KIAA2012: variants seen among roughly 807,000 people sequenced by gnomAD.
KIAA2012 encodes the protein KIAA2012, also known as uncharacterized protein KIAA2012.
Under a neutral mutation model 150.6 loss-of-function variants are expected in KIAA2012, and 125 were observed. The observed-to-expected ratio is 0.83, with a 90% CI of 0.72 to 0.96. The LOEUF (loss-of-function observed/expected upper bound fraction) is 0.96, where lower values mean the gene tolerates loss of function less well. Among genes scored for constraint, KIAA2012 ranks in the 40% least tolerant of loss-of-function variants. The pLI is 0.00. For synonymous variants in KIAA2012, 462 were observed against 504.7 expected (o/e 0.92, Z 1.13); for missense variants, 1,219 against 1,354.9 (o/e 0.90, Z 1.57).
Position 202,154,682 on chromosome 2 carries a change from C to T in KIAA2012, c.1918C>T (p.Gln640Ter). The T allele has an allele frequency of 6.5e-7, 1 of 1,544,380 alleles. No individual in the cohort carries two copies. ...CTGCTTCTCTTCACAGGGAGCCCAG[C>T]AGTCCTTGGAGGCAGCAGCTCAGAA... ...TQTTEKQGAQQSLEAAAQKTG... is the reference protein window; with the variant it reads ...TQTTEKQGAQ Residue 640 changes from glutamine (Q) to a stop codon, truncating the protein, a stop_gained, in exon 14 of 24, where the codon CAG becomes TAG. Coordinates refer to ENST00000498697, the MANE Select transcript of KIAA2012 (RefSeq NM_001277372.4). LOFTEE classifies it high-confidence loss of function.
chr2:202,134,641 G>A (rs144008520), intron 12 of KIAA2012, among the ~76,000 whole-genome samples: 377 of 152,262 alleles, frequency 2.5e-3, no homozygotes, highest in African/African-American at 8.5e-3. Flanking sequence ...TGCAACCTCC[G>A]CCTCCTGGGT....
intron 19 of KIAA2012, among the ~76,000 whole-genome samples, chr2:202,190,798 G>T (rs1692315631): frequency 6.6e-6 from 1 of 152,126 alleles, no homozygotes; most frequent in Admixed American, 6.5e-5. Context: ...AGAGGTGCAG[G>T]ACTCATGGTT....
At chr2:202,162,360 C>T (rs553181849) in intron 14 of KIAA2012, among the ~76,000 whole-genome samples, 22 of 151,926 alleles carry the variant, frequency 1.4e-4, no homozygotes, top group African/African-American at 4.1e-4. Flanking sequence ...CTGCAACCTC[C>T]GCCTGCTGGG....
intron 9 of KIAA2012, 85 bp from the exon 10 acceptor site, chr2:202,109,528 T>C: frequency 7.8e-7 from 1 of 1,279,454 alleles, no homozygotes; most frequent in Non-Finnish European, 1.1e-6. Context: ...ACAGAGGTCC[T>C]TCAACCAAGT....
At chr2:202,179,771 C>A (rs1417743860) in intron 15 of KIAA2012, 2 of 632,486 alleles carry the variant, frequency 3.2e-6, no homozygotes, top group Non-Finnish European at 6.1e-6. Context: ...GCCTGGAAAG[C>A]CACAGCAGTG....
intron 11 of KIAA2012, among the ~76,000 whole-genome samples, chr2:202,123,207 G>A (rs541027951): frequency 3.9e-5 from 6 of 152,288 alleles, no homozygotes; most frequent in Middle Eastern, 3.4e-3. Flanking sequence ...GACGGTGTTC[G>A]TGTAGCCCTC....
chr2:202,201,826 G>A (rs974864673), intron 22 of KIAA2012: 31 of 1,292,034 alleles, frequency 2.4e-5, no homozygotes, highest in Non-Finnish European at 3.2e-5. Flanking sequence ...GGGTAGACTG[G>A]ATTCCCAGGA....
At chr2:202,117,477 T>C (rs116437912) in intron 11 of KIAA2012, among the ~76,000 whole-genome samples, 50 of 152,354 alleles carry the variant, frequency 3.3e-4, no homozygotes, top group African/African-American at 1.2e-3. Flanking sequence ...TAGTAGCTGT[T>C]ACCTTACTGA....
chr2:202,140,179 G>A (rs1691170007), intron 13 of KIAA2012, among the ~76,000 whole-genome samples: 1 of 152,130 alleles, frequency 6.6e-6, no homozygotes, highest in African/African-American at 2.4e-5. Flanking sequence ...AATGAGCCAA[G>A]ATCACTCCAT....
At chr2:202,115,905 C>A (rs1690508665) in intron 11 of KIAA2012, 1 of 92,222 alleles carries the variant, frequency 1.1e-5, no homozygotes, top group Non-Finnish European at 2.3e-5. Flanking sequence ...GAATATAAAC[C>A]TTCAGAAGGA....
At chr2:202,182,269 G>A (rs1275424719) in intron 15 of KIAA2012, among the ~76,000 whole-genome samples, 2 of 151,550 alleles carry the variant, frequency 1.3e-5, no homozygotes, top group East Asian at 1.9e-4. Context: ...GCACCACCAC[G>A]CCCAGCTAAT....
chr2:202,099,777 T>A lies in KIAA2012; in HGVS notation c.993T>A (p.Asn331Lys), dbSNP rs766373042. 6.5e-6 allele frequency: 10 copies of A among 1,549,660 alleles called. No homozygotes were observed. In the East Asian group the frequency reaches 9.8e-5, roughly 15 times the overall value. The change falls in exon 6 of 24, where the codon AAT (asparagine) becomes AAA (lysine). Residue 331 changes from asparagine (N) to lysine (K), a missense_variant. Transcript: ENST00000498697. ...HITFCGGAFP[N>K]RKADLSDKQR... is the part of the protein sequence containing the mutation. ...CATTCTGTGGAGGCGCCTTCCCTAA[T>A]AGGAAGGCAGATCTCAGCGGTAAGA...
chr2:202,148,208 A>G (rs574563382), intron 13 of KIAA2012, among the ~76,000 whole-genome samples: 40 of 152,290 alleles, frequency 2.6e-4, no homozygotes, highest in African/African-American at 9.4e-4. Flanking sequence ...TAGGTAGGGA[A>G]GCTGAGGCAC....
chr2:202,197,406 T>C (rs1692434453), intron 22 of KIAA2012: 3 of 251,642 alleles, frequency 1.2e-5, no homozygotes, highest in East Asian at 1.7e-4. Flanking sequence ...GTGCCTGTTA[T>C]GTGCCAAACA....
At chr2:202,148,821 C>T (rs955252607) in intron 13 of KIAA2012, among the ~76,000 whole-genome samples, 4 of 152,102 alleles carry the variant, frequency 2.6e-5, no homozygotes. Context: ...TCGGCCTTGC[C>T]ACAGACAGAG....
chr2:202,091,633 A>G (rs13035978), intron 3 of KIAA2012, among the ~76,000 whole-genome samples: 30,033 of 152,184 alleles, frequency 0.2, 3,979 homozygotes, highest in Non-Finnish European at 0.29. Flanking sequence ...TACGCTTGCA[A>G]TCTTCAATCT....
At chr2:202,095,834 A>C (rs1689856592) in intron 4 of KIAA2012, among the ~76,000 whole-genome samples, 2 of 152,170 alleles carry the variant, frequency 1.3e-5, no homozygotes, top group South Asian at 4.1e-4. Context: ...CTGTAATCCC[A>C]ACACTTTGGT....
At chr2:202,101,181 G>T (rs1256784297) in intron 7 of KIAA2012, among the ~76,000 whole-genome samples, 3 of 152,244 alleles carry the variant, frequency 2.0e-5, no homozygotes, top group African/African-American at 4.8e-5. Context: ...AAAGTATGTT[G>T]TATCTGACTG....
In KIAA2012 at chr2:202,113,495, G is replaced by C. The variant is rs1409331552; in HGVS notation, c.1762+49G>C. On this transcript the variant is annotated intron_variant, in intron 11 of 23. Transcript: ENST00000498697. ...GCCTTGTTTTTTTTTTTTCAAAGGG[G>C]AAGATGTTACCTGCAGCTTCCAAAT... The C allele has an allele frequency of 3.0e-6, 4 of 1,355,434 alleles. No individual in the cohort carries two copies. The Admixed American group carries it at 9.8e-5, about 33-fold the overall frequency. The allele number at this position is 1,355,434 out of a possible 1,614,324, so 84.0% of individuals were successfully genotyped here.
Sources: gnomAD v4.1 joint callset for allele counts (sites outside exome capture counted in the v4.1 genomes callset) on GRCh38, gnomAD v4.1.1 for gene constraint, MANE v1.5 for transcripts, NCBI Gene and HGNC (gene_info 2026-07-23, HGNC 2026-07-21) for gene names.